Variants in RBP2 observed in about 807,000 individuals in gnomAD.
RBP2 encodes retinol binding protein 2, also known as retinol-binding protein 2.
Under a neutral mutation model 17.0 loss-of-function variants are expected in RBP2, and 17 were observed. The observed-to-expected ratio is 1.00, with a 90% CI of 0.68 to 1.50. The LOEUF (loss-of-function observed/expected upper bound fraction) is 1.50, where lower values mean the gene tolerates loss of function less well. Ranked by LOEUF, RBP2 falls within the 40% of genes most tolerant of loss-of-function variation. RBP2 has a pLI of 0.00. For missense variants in RBP2, 158 were observed against 168.2 expected (o/e 0.94, Z 0.33); for synonymous variants, 48 against 57.1 (o/e 0.84, Z 0.72).
intron 2 of RBP2, among the ~76,000 whole-genome samples, chr3:139,457,379 A>T (rs1270107005): frequency 3.9e-5 from 6 of 152,190 alleles, no homozygotes; most frequent in Non-Finnish European, 8.8e-5. Context: ...TCATCATTTT[A>T]TCACTAGCTA....
intron 2 of RBP2, among the ~76,000 whole-genome samples, chr3:139,460,069 G>C (rs536793445): frequency 6.6e-6 from 1 of 152,158 alleles, no homozygotes; most frequent in Non-Finnish European, 1.5e-5. Context: ...ACCATCAAAG[G>C]TCACAAAGGA....
intron 3 of RBP2, 47 bp downstream of exon 3, chr3:139,454,682 C>A: frequency 6.4e-7 from 1 of 1,569,602 alleles, no homozygotes; most frequent in Non-Finnish European, 8.8e-7. Context: ...ACCACAGTAG[C>A]GTGTGTAAGC....
At chr3:139,471,170 G>A (rs1314987957) in intron 1 of RBP2, among the ~76,000 whole-genome samples, 6 of 152,188 alleles carry the variant, frequency 3.9e-5, no homozygotes, top group Non-Finnish European at 8.8e-5. Flanking sequence ...AATGCCTAGA[G>A]CACTTCCTGA....
intron 3 of RBP2, among the ~76,000 whole-genome samples, chr3:139,453,438 A>G (rs1228885145): frequency 6.6e-6 from 1 of 152,254 alleles, no homozygotes; most frequent in Non-Finnish European, 1.5e-5. Flanking sequence ...TCCCATGATT[A>G]AAGTAACATG....
chr3:139,459,400 A>ATATG lies in RBP2; in HGVS notation c.252+2711_252+2712insCATA, dbSNP rs111417242. Among the ~76,000 whole-genome samples, 185 of 128,556 alleles carry ATATG rather than the reference A, an allele frequency of 1.4e-3. 1 individual carries two copies. Among genetic ancestry groups the ATATG allele is most frequent in the African/African-American group, 4.7e-3 (160 of 34,058 alleles). 84.3% of individuals were successfully genotyped at this position (128,556 alleles called of 152,430 possible). On this transcript the variant is annotated intron_variant, in intron 2 of 3. Transcript: ENST00000232217. ...GTGAAACCCTGTTTCTACTATATAT[A>ATATG]TGTGTGTGTGTGTGTGTGTGTGTGT... is the stretch of plus-strand genomic sequence containing the variant.
chr3:139,470,151 A>G (rs1576427583), intron 1 of RBP2, among the ~76,000 whole-genome samples: 1 of 152,122 alleles, frequency 6.6e-6, no homozygotes, highest in East Asian at 1.9e-4. Context: ...AGAATTCTTA[A>G]TGCATGCTCC....
intron 1 of RBP2, 63 bp downstream of exon 1, chr3:139,476,324 G>A (rs866831710): frequency 1.9e-5 from 27 of 1,420,678 alleles, no homozygotes; most frequent in East Asian, 4.6e-5. Context: ...AGCACTGTCT[G>A]GAGGGCCAGA....
At chr3:139,468,200 C>G (rs1319294367) in intron 1 of RBP2, among the ~76,000 whole-genome samples, 1 of 152,154 alleles carries the variant, frequency 6.6e-6, no homozygotes, top group Non-Finnish European at 1.5e-5. Context: ...GATGTGGAAA[C>G]TGAGGCCGTG....
At chr3:139,470,075 A>G (rs1448745357) in intron 1 of RBP2, among the ~76,000 whole-genome samples, 1 of 152,152 alleles carries the variant, frequency 6.6e-6, no homozygotes, top group Non-Finnish European at 1.5e-5. Context: ...TATATCCCAT[A>G]TCAAAGTGCC....
At chr3:139,469,474 T>C (rs1408994866) in intron 1 of RBP2, among the ~76,000 whole-genome samples, 1 of 152,168 alleles carries the variant, frequency 6.6e-6, no homozygotes, top group Non-Finnish European at 1.5e-5. Context: ...GGGAGACTTG[T>C]ACAAAGGGAT....
intron 1 of RBP2, among the ~76,000 whole-genome samples, chr3:139,471,519 A>G (rs1043826688): frequency 2.0e-5 from 3 of 152,240 alleles, no homozygotes; most frequent in African/African-American, 7.2e-5. Context: ...AGTGAAAAAG[A>G]TGTTCTTCAT....
In RBP2 at chr3:139,462,158, A is replaced by G. The variant is rs771930798; in HGVS notation, c.206T>C (p.Val69Ala). 3.7e-6 allele frequency: 6 copies of G among 1,613,730 alleles called. No individual in the cohort carries two copies. The highest frequency in any genetic ancestry group is 5.1e-6 in the Non-Finnish European group (6 of 1,179,966). ...GCTCTTTGTGTACTCGTCAAACTCTACTCCAACAGTGAAATCCACATCATA... is the reference window on the plus strand; with the variant it reads ...GCTCTTTGTGTACTCGTCAAACTCTGCTCCAACAGTGAAATCCACATCATA... ...RNYDVDFTVGVEFDEYTKSLD... is the reference protein window; with the variant it reads ...RNYDVDFTVGAEFDEYTKSLD... The change falls in exon 2 of 4, where the codon GTA becomes GCA. Residue 69 changes from valine (V) to alanine (A), a missense_variant. Physicochemically the swap from Val to Ala is moderately conservative, Grantham distance 64 (BLOSUM62 0). Transcript: ENST00000232217.
rs200505774 is a variant in RBP2, at chr3:139,462,070, G to A, written c.252+42C>T. 4 of 1,573,740 alleles carry A rather than the reference G, an allele frequency of 2.5e-6. No individual in the cohort carries two copies. The Admixed American group carries it at 5.2e-5, about 21-fold the overall frequency. ...CATGATACCAAATAGCCAGCCCCTG[G>A]CACAGAATGTGTGAATGAAAAACAC... On this transcript the variant is annotated intron_variant, in intron 2 of 3. Coordinates refer to ENST00000232217, the MANE Select transcript of RBP2 (RefSeq NM_004164.3).
At chr3:139,462,418 GA>G in intron 1 of RBP2, 128 bp from the exon 2 acceptor site, 2 of 987,916 alleles carry the variant, frequency 2.0e-6, no homozygotes, top group Non-Finnish European at 3.1e-6. Flanking sequence ...GCTTAAGTGG[GA>G]AACAAGCATC....
chr3:139,466,068 G>A lies in RBP2; in HGVS notation c.74-3778C>T, dbSNP rs146777255. ...TTGGTGGTCAAAAAAATGGGCTCAC[G>A]AGCAAGTAAGTTTGGGAGATGAGGA... On this transcript the variant is annotated intron_variant, in intron 1 of 3. Transcript: ENST00000232217. Among the ~76,000 whole-genome samples the A allele has an allele frequency of 1.5e-3, 223 of 152,272 alleles. 3 individuals carry two copies. The East Asian group carries it at 0.035, about 24-fold the overall frequency.
chr3:139,469,520 A>G (rs1933478438), intron 1 of RBP2, among the ~76,000 whole-genome samples: 1 of 152,136 alleles, frequency 6.6e-6, no homozygotes, highest in South Asian at 2.1e-4. Context: ...TCCATCCCTC[A>G]GCATTTCCCC....
At chr3:139,462,031 A>ATT in intron 2 of RBP2, 81 bp downstream of exon 2, 22 of 1,341,550 alleles carry the variant, frequency 1.6e-5, no homozygotes, top group Admixed American at 4.4e-5. Context: ...TGTTTCTAAT[A>ATT]TTTTTTTTTT....
chr3:139,469,459 G>T (rs1222788052), intron 1 of RBP2, among the ~76,000 whole-genome samples: 1 of 152,112 alleles, frequency 6.6e-6, no homozygotes, highest in Non-Finnish European at 1.5e-5. Context: ...GCCAACACAT[G>T]CAAGGGGAGA....
At chr3:139,462,050 T>C (rs1933207327) in intron 2 of RBP2, 62 bp downstream of exon 2, 2 of 1,536,344 alleles carry the variant, frequency 1.3e-6, no homozygotes, top group South Asian at 2.4e-5. Context: ...TTCATCATGA[T>C]ACCAAATAGC....
Sources: gnomAD v4.1 joint callset for allele counts (sites outside exome capture counted in the v4.1 genomes callset) on GRCh38, gnomAD v4.1.1 for gene constraint, MANE v1.5 for transcripts, NCBI Gene and HGNC (gene_info 2026-07-23, HGNC 2026-07-21) for gene names.